ATRNL1: variants seen among roughly 807,000 people sequenced by gnomAD.
ATRNL1 encodes the protein attractin like 1, also known as attractin-like protein 1.
Under a neutral mutation model 182.7 loss-of-function variants are expected in ATRNL1, and 95 were observed. The observed-to-expected ratio is 0.52, with a 90% CI of 0.44 to 0.62. The LOEUF is 0.62. Among genes scored for constraint, ATRNL1 ranks in the 20% least tolerant of loss-of-function variants. The pLI, the probability that ATRNL1 is intolerant of heterozygous loss-of-function variation, is 0.00. For synonymous variants in ATRNL1, 576 were observed against 568.3 expected (o/e 1.01, Z -0.19); for missense variants, 1,471 against 1,679.5 (o/e 0.88, Z 2.17).
intron 27 of ATRNL1, among the ~76,000 whole-genome samples, chr10:115,751,301 G>A (rs530165029): frequency 2.0e-5 from 3 of 152,106 alleles, no homozygotes; most frequent in South Asian, 2.1e-4. Context: ...ATCTGCTGTC[G>A]CCCTGATTTT....
chr10:115,588,422 G>C (rs10885744), intron 26 of ATRNL1, among the ~76,000 whole-genome samples: 148,130 of 152,332 alleles, frequency 0.97, 72,186 homozygotes, highest in East Asian at 1. Flanking sequence ...ATGGCAATAT[G>C]TGTGTTCCTC....
chr10:115,212,382 C>T (rs1334692673), intron 8 of ATRNL1, among the ~76,000 whole-genome samples: 1 of 151,260 alleles, frequency 6.6e-6, no homozygotes, highest in Non-Finnish European at 1.5e-5. Flanking sequence ...AAAAGGAATG[C>T]TTATACACTG....
At chr10:115,877,680 C>G (rs1951730781) in intron 28 of ATRNL1, among the ~76,000 whole-genome samples, 1 of 152,138 alleles carries the variant, frequency 6.6e-6, no homozygotes, top group Non-Finnish European at 1.5e-5. Flanking sequence ...ATATTTAAAT[C>G]CTAGTAAATA....
At chr10:115,534,061 T>C (rs561808465) in intron 25 of ATRNL1, among the ~76,000 whole-genome samples, 1 of 152,044 alleles carries the variant, frequency 6.6e-6, no homozygotes, top group South Asian at 2.1e-4. Context: ...GGTGTGGTGC[T>C]GAAAAAAATG....
At chr10:115,258,437 TCTC>T (rs1289119346) in intron 10 of ATRNL1, among the ~76,000 whole-genome samples, 2 of 152,182 alleles carry the variant, frequency 1.3e-5, no homozygotes, top group Non-Finnish European at 2.9e-5. Flanking sequence ...GTCATGAAGT[TCTC>T]CTGTCATGGT....
intron 26 of ATRNL1, among the ~76,000 whole-genome samples, chr10:115,669,027 C>A (rs2133923271): frequency 6.6e-6 from 1 of 152,156 alleles, no homozygotes; most frequent in East Asian, 1.9e-4. Flanking sequence ...GAGAGCTTTC[C>A]ATCTTTAATT....
intron 28 of ATRNL1, among the ~76,000 whole-genome samples, chr10:115,856,450 A>AAAAAAAAAAAAAAAAAAAAAAAC (rs56927270): frequency 1.4e-5 from 2 of 147,424 alleles, no homozygotes; most frequent in Non-Finnish European, 3.0e-5. Flanking sequence ...AAAAAAAAAA[A>AAAAAAAAAAAAAAAAAAAAAAAC]GCCATACATA....
intron 24 of ATRNL1, among the ~76,000 whole-genome samples, chr10:115,510,587 C>T (rs188921254): frequency 7.9e-5 from 12 of 152,076 alleles, no homozygotes; most frequent in Admixed American, 3.9e-4. Context: ...ATTTAATAGG[C>T]TACAGCATTG....
chr10:115,302,166 A>G (rs569463892), intron 17 of ATRNL1, 123 bp downstream of exon 17: 707 of 919,696 alleles, frequency 7.7e-4, no homozygotes, highest in Non-Finnish European at 1.0e-3. Context: ...TGTTACGGCT[A>G]CTTTTGAAAC....
At chr10:115,352,163 T>A (rs966576278) in intron 19 of ATRNL1, among the ~76,000 whole-genome samples, 11 of 152,032 alleles carry the variant, frequency 7.2e-5, no homozygotes, top group Non-Finnish European at 1.2e-4. Context: ...TTGTAGTGTC[T>A]TTTTTTCATT....
chr10:115,245,741 T>C lies in ATRNL1; in HGVS notation c.1687+4016T>C, dbSNP rs370486221. Among the ~76,000 whole-genome samples, 58 of 152,224 alleles carry C rather than the reference T, an allele frequency of 3.8e-4. No homozygotes were observed. In the East Asian group the frequency reaches 7.9e-3, roughly 21 times the overall value. ...CTTGCTTTTCATGTTTATAATTATTTTTATTTTCTGGAGGTTATTTTATTA... is the reference window on the plus strand; with the variant it reads ...CTTGCTTTTCATGTTTATAATTATTCTTATTTTCTGGAGGTTATTTTATTA... On this transcript the variant is annotated intron_variant, in intron 10 of 28. Transcript: ENST00000355044.
chr10:115,624,447 A>G (rs1555024045), intron 26 of ATRNL1, among the ~76,000 whole-genome samples: 1 of 152,148 alleles, frequency 6.6e-6, no homozygotes, highest in African/African-American at 2.4e-5. Context: ...TATTAACATT[A>G]TTGGAATGAC....
At position 115,300,068 on chromosome 10, in the gene ATRNL1, A is replaced by G; in HGVS notation, c.2450A>G (p.Asn817Ser). ...VSPWVGLRKI[N>S]ISYWGWEDMS... ...CCTTGGGTAGGCTTGCGCAAGATCA[A>G]TATATCCTATTGGGGATGGGAAGAC... The change falls in exon 16 of 29, where the codon AAT (asparagine) becomes AGT (serine). Residue 817 changes from asparagine to serine, a missense_variant. This residue lies in a region of ATRNL1 where 1,031 missense variants were observed against 1,156.0 expected (regional missense o/e 0.89). Coordinates refer to ENST00000355044, the MANE Select transcript of ATRNL1 (RefSeq NM_207303.4). 3 of 1,613,996 alleles carry G rather than the reference A, an allele frequency of 1.9e-6. No homozygotes were observed. The highest frequency in any genetic ancestry group is 2.5e-6 in the Non-Finnish European group (3 of 1,179,858).
intron 28 of ATRNL1, among the ~76,000 whole-genome samples, chr10:115,940,631 C>A (rs566321782): frequency 5.9e-5 from 9 of 152,036 alleles, no homozygotes; most frequent in Admixed American, 1.3e-4. Flanking sequence ...AATTAGATTC[C>A]TTACAATAAC....
At chr10:115,928,608 C>A (rs1953305247) in intron 28 of ATRNL1, among the ~76,000 whole-genome samples, 1 of 151,986 alleles carries the variant, frequency 6.6e-6, no homozygotes, top group South Asian at 2.1e-4. Flanking sequence ...AGTTAATTAT[C>A]TCAAACCAAG....
intron 5 of ATRNL1, among the ~76,000 whole-genome samples, chr10:115,147,248 C>T (rs1846014487): frequency 6.6e-6 from 1 of 151,936 alleles, no homozygotes; most frequent in South Asian, 2.1e-4. Flanking sequence ...TTTTCATGTA[C>T]CTGTTGGCCA....
chr10:115,625,312 A>T (rs1312474444), intron 26 of ATRNL1, among the ~76,000 whole-genome samples: 1 of 152,194 alleles, frequency 6.6e-6, no homozygotes, highest in Non-Finnish European at 1.5e-5. Flanking sequence ...TGTCACTGTA[A>T]ATTTTTTGAG....
At chr10:115,533,767 T>C (rs1851767378) in intron 25 of ATRNL1, among the ~76,000 whole-genome samples, 1 of 150,782 alleles carries the variant, frequency 6.6e-6, no homozygotes, top group African/African-American at 2.4e-5. Flanking sequence ...CTCTACACAC[T>C]GCTTTGAATG....
chr10:115,559,027 A>G (rs1160494809), intron 26 of ATRNL1, among the ~76,000 whole-genome samples: 6 of 152,120 alleles, frequency 3.9e-5, no homozygotes, highest in African/African-American at 1.2e-4. Context: ...CAGCCTGATA[A>G]TAACAGGGAC....
Sources: gnomAD v4.1 joint callset for allele counts (sites outside exome capture counted in the v4.1 genomes callset) on GRCh38, gnomAD v4.1.1 for gene constraint, gnomAD v4.1.1 regional missense constraint, MANE v1.5 for transcripts, NCBI Gene and HGNC (gene_info 2026-07-23, HGNC 2026-07-21) for gene names.